The following AFP variants were observed in gnomAD, a reference collection of about 807,000 sequenced individuals.
The protein encoded by AFP is alpha fetoprotein, also known as alpha-fetoprotein.
In AFP, 64 loss-of-function variants were observed where a neutral mutation model predicts 78.9. The observed-to-expected ratio is 0.81, with a 90% CI of 0.66 to 1.00. The LOEUF (loss-of-function observed/expected upper bound fraction) is 1.00, where lower values mean the gene tolerates loss of function less well. Ranked by LOEUF, AFP falls within the 50% of genes least tolerant of loss-of-function variation. AFP has a pLI of 0.00. For synonymous variants in AFP, 254 were observed against 243.8 expected, an observed-to-expected ratio of 1.04 and a Z score of -0.39; for missense variants, 689 against 703.8, an observed-to-expected ratio of 0.98 and a Z score of 0.24.
intron 7 of AFP, 27 bp downstream of exon 7, chr4:73,445,149 A>G: frequency 1.9e-6 from 3 of 1,612,708 alleles, no homozygotes; most frequent in Non-Finnish European, 2.5e-6. Flanking sequence ...CTTAAAATAG[A>G]AGATTTTCAC....
chr4:73,451,535 G>A (rs909988665), intron 11 of AFP, among the ~76,000 whole-genome samples: 20 of 152,156 alleles, frequency 1.3e-4, no homozygotes, highest in African/African-American at 4.6e-4. Flanking sequence ...CACCTCAATT[G>A]TTTGTTGAAT....
At chr4:73,441,715 G>A (rs896322666) in intron 4 of AFP, among the ~76,000 whole-genome samples, 2 of 152,070 alleles carry the variant, frequency 1.3e-5, no homozygotes, top group Non-Finnish European at 1.5e-5. Context: ...GGAAATTGAA[G>A]GTTGGAAGGC....
chr4:73,450,970 C>A (rs1170122954), intron 11 of AFP, among the ~76,000 whole-genome samples: 1 of 152,232 alleles, frequency 6.6e-6, no homozygotes, highest in Admixed American at 6.5e-5. Flanking sequence ...GGTGGAAGTT[C>A]AGCCAGTTTA....
intron 11 of AFP, among the ~76,000 whole-genome samples, chr4:73,451,601 T>G (rs1198819631): frequency 6.6e-6 from 1 of 152,212 alleles, no homozygotes; most frequent in Non-Finnish European, 1.5e-5. Flanking sequence ...CAGGAGTGTA[T>G]GTTCCGGAGG....
chr4:73,444,965 T>C, intron 6 of AFP, 28 bp from the exon 7 acceptor site: 1 of 1,572,584 alleles, frequency 6.4e-7, no homozygotes, highest in South Asian at 1.1e-5. Context: ...ACCAAGAAAT[T>C]AATTTCTAAT....
rs755681836 is a variant in AFP, at chr4:73,453,925, A to T, written c.1785+28A>T. On this transcript the variant is annotated intron_variant, in intron 13 of 14. Coordinates refer to ENST00000395792, the MANE Select transcript of AFP (RefSeq NM_001134.3). ...ACATGCAGCTCATTTCATACTCAAA[A>T]TACTTGCTATGGAATTTTCTGTAGT... 2.3e-5 allele frequency: 37 copies of T among 1,612,998 alleles called. No individual in the cohort carries two copies. In the South Asian group the frequency reaches 4.1e-4, roughly 18 times the overall value.
chr4:73,449,830 T>G (rs945959952), intron 9 of AFP, among the ~76,000 whole-genome samples: 4 of 152,222 alleles, frequency 2.6e-5, no homozygotes, highest in Non-Finnish European at 4.4e-5. Context: ...AGTTTTGCCA[T>G]TAAATGATTT....
At chr4:73,443,834 C>T (rs1036819585) in intron 6 of AFP, among the ~76,000 whole-genome samples, 1 of 152,030 alleles carries the variant, frequency 6.6e-6, no homozygotes, top group African/African-American at 2.4e-5. Flanking sequence ...ACAAGAAATT[C>T]TTTATATTAA....
intron 7 of AFP, among the ~76,000 whole-genome samples, chr4:73,446,021 A>G (rs929356329): frequency 3.9e-5 from 6 of 152,172 alleles, no homozygotes; most frequent in African/African-American, 1.4e-4. Flanking sequence ...GCACTGGACT[A>G]TGGTTTCCAG....
intron 6 of AFP, among the ~76,000 whole-genome samples, chr4:73,444,039 C>T (rs879681667): frequency 5.9e-5 from 9 of 151,944 alleles, no homozygotes; most frequent in African/African-American, 9.7e-5. Flanking sequence ...AGCTGCTAAT[C>T]GAATAGTAGT....
At position 73,450,734 on chromosome 4, in the gene AFP, T is replaced by G; in HGVS notation, c.1409T>G (p.Leu470Trp). 5 of 1,614,184 alleles carry G rather than the reference T, an allele frequency of 3.1e-6. No homozygotes were observed. The highest frequency in any genetic ancestry group is 4.2e-6 in the Non-Finnish European group (5 of 1,180,014). Reference sequence around the variant, plus strand: ...TGCCAACTCAGTGAGGACAAACTATTGGCCTGTGGCGAGGGAGCGGTGAGT... The same window carrying G: ...TGCCAACTCAGTGAGGACAAACTATGGGCCTGTGGCGAGGGAGCGGTGAGT... ...TCCQLSEDKL[L>W]ACGEGAADII... Residue 470 changes from leucine (L) to tryptophan (W), a missense_variant, in exon 11 of 15, where the codon TTG (leucine) becomes TGG (tryptophan). Physicochemically the swap from Leu to Trp is moderately conservative, Grantham distance 61. Transcript: ENST00000395792.
chr4:73,440,638 G>C lies in AFP; in HGVS notation c.307G>C (p.Glu103Gln), dbSNP rs756995990. 1 of 1,614,130 alleles carries C rather than the reference G, an allele frequency of 6.2e-7. No homozygotes were observed. Among genetic ancestry groups the C allele is most frequent in the South Asian group, 1.1e-5 (1 of 91,082 alleles). The change falls in exon 4 of 15, where the codon GAA becomes CAA. Residue 103 changes from glutamate (E) to glutamine (Q), a missense_variant. Coordinates refer to ENST00000395792, the MANE Select transcript of AFP (RefSeq NM_001134.3). The stretch of plus-strand genomic sequence containing the variant: ...TCTGGAAGAACTTTGCCATGAGAAA[G>C]AAATTTTGGAGAAGTACGGACATTC... ...AFLEELCHEK[E>Q]ILEKYGHSDC...
In AFP at chr4:73,440,635, A is replaced by G. The variant is rs1248456360; in HGVS notation, c.304A>G (p.Lys102Glu). 1.2e-6 allele frequency: 2 copies of G among 1,614,026 alleles called. No individual in the cohort carries two copies. The highest frequency in any genetic ancestry group is 3.3e-5 in the Admixed American group (2 of 60,010). Residue 102 changes from lysine (K) to glutamate (E), a missense_variant, in exon 4 of 15, where the codon AAA (lysine) becomes GAA (glutamate). By Grantham distance (56) the Lys-to-Glu change is moderately conservative. Transcript: ENST00000395792. ...CTTTCTGGAAGAACTTTGCCATGAG[A>G]AAGAAATTTTGGAGAAGTACGGACA... ...PAFLEELCHE[K>E]EILEKYGHSD...
intron 7 of AFP, among the ~76,000 whole-genome samples, chr4:73,447,083 A>G (rs1417765929): frequency 3.3e-5 from 5 of 152,188 alleles, no homozygotes; most frequent in African/African-American, 1.2e-4. Context: ...GGATTTGTGT[A>G]GCACTTAGGA....
intron 7 of AFP, among the ~76,000 whole-genome samples, chr4:73,446,943 G>A (rs1043071099): frequency 6.6e-6 from 1 of 152,164 alleles, no homozygotes; most frequent in African/African-American, 2.4e-5. Flanking sequence ...TAAAACGGGA[G>A]ACAAGTTAAA....
intron 12 of AFP, among the ~76,000 whole-genome samples, chr4:73,452,875 A>G (rs1346574225): frequency 2.0e-5 from 3 of 152,186 alleles, no homozygotes; most frequent in Non-Finnish European, 4.4e-5. Context: ...TGTTATTGTG[A>G]TATGTATTTG....
At chr4:73,447,801 A>G (rs1004356754) in intron 8 of AFP, 125 bp downstream of exon 8, 130 of 821,266 alleles carry the variant, frequency 1.6e-4, no homozygotes, top group Non-Finnish European at 2.4e-4. Context: ...ATATTTGGCT[A>G]GAATGTTCTG....
intron 7 of AFP, 145 bp downstream of exon 7, chr4:73,445,267 G>T: frequency 1.0e-6 from 1 of 973,570 alleles, no homozygotes; most frequent in African/African-American, 1.6e-5. Context: ...AGAATTCTCG[G>T]TAGTAAAACT....
intron 2 of AFP, 68 bp downstream of exon 2, chr4:73,437,279 T>C (rs1159952396): frequency 1.0e-5 from 14 of 1,351,268 alleles, no homozygotes; most frequent in Middle Eastern, 2.4e-4. Context: ...TTAAATAAAA[T>C]TGGGTACCCC....
Sources: gnomAD v4.1 joint callset for allele counts (sites outside exome capture counted in the v4.1 genomes callset) on GRCh38, gnomAD v4.1.1 for gene constraint, MANE v1.5 for transcripts, NCBI Gene and HGNC (gene_info 2026-07-23, HGNC 2026-07-21) for gene names.